The following FHIP2B variants were observed in gnomAD, a reference collection of about 807,000 sequenced individuals.
The protein encoded by FHIP2B is FHF complex subunit HOOK interacting protein 2B, also known as FHF complex subunit HOOK-interacting protein 2B.
In FHIP2B, 72 loss-of-function variants were observed where a neutral mutation model predicts 84.0. The observed-to-expected ratio is 0.86, with a 90% CI of 0.71 to 1.04. FHIP2B has a LOEUF of 1.04. Ranked by LOEUF, FHIP2B falls within the 50% of genes least tolerant of loss-of-function variation. The pLI is 0.00. For synonymous variants in FHIP2B, 497 were observed against 418.7 expected, an observed-to-expected ratio of 1.19 and a Z score of -2.28; for missense variants, 972 against 968.9, an observed-to-expected ratio of 1.00 and a Z score of -0.04.
chr8:22,096,526 G>T lies in FHIP2B; in HGVS notation c.297+17G>T. Reference sequence around the variant, plus strand: ...AAGGCCGAGGTGGGAGGCCCTCTGCGCGCTGGGCCAGGCCGAGGTGGGAGG... The same window carrying T: ...AAGGCCGAGGTGGGAGGCCCTCTGCTCGCTGGGCCAGGCCGAGGTGGGAGG... On this transcript the variant is annotated intron_variant, in intron 3 of 16. Coordinates refer to ENST00000289921, the MANE Select transcript of FHIP2B (RefSeq NM_022749.7). 5.3e-6 allele frequency: 8 copies of T among 1,506,394 alleles called. No homozygotes were observed. The highest frequency in any genetic ancestry group is 7.1e-6 in the Non-Finnish European group (8 of 1,122,370). The allele number at this position is 1,506,394 out of a possible 1,614,324, so 93.3% of individuals were successfully genotyped here.
rs370807518 is a variant in FHIP2B at position 22,104,831 on chromosome 8, T to TTAAAAA, written c.*1900_*1901insTAAAAA. 42 of 126,518 alleles carry TTAAAAA rather than the reference T, an allele frequency of 3.3e-4. No individual in the cohort carries two copies. Among genetic ancestry groups the TTAAAAA allele is most frequent in the Non-Finnish European group, 6.6e-4 (40 of 60,428 alleles). The allele number at this position is 126,518 out of a possible 1,614,324, so 7.8% of individuals were successfully genotyped here. ...CTGGGCAATAGAGTAAGACCCTGTC[T>TTAAAAA]AAAAAAAAAAAAAAAAAATTTCACA... On this transcript the variant is annotated 3_prime_UTR_variant, in exon 17 of 17. Transcript: ENST00000289921.
intron 4 of FHIP2B, 24 bp from the exon 5 acceptor site, chr8:22,097,693 G>C: frequency 6.2e-7 from 1 of 1,611,728 alleles, no homozygotes; most frequent in Non-Finnish European, 8.5e-7. Flanking sequence ...TCTCCCCTCT[G>C]TTTCTGTCCT....
At chr8:22,100,760 T>C in intron 11 of FHIP2B, 21 bp downstream of exon 11, 1 of 1,606,930 alleles carries the variant, frequency 6.2e-7, no homozygotes, top group African/African-American at 1.3e-5. Context: ...CCGGCGCCCT[T>C]TGGACTCAGC....
At chr8:22,090,968 A>G in intron 1 of FHIP2B, among the ~76,000 whole-genome samples, 1 of 152,178 alleles carries the variant, frequency 6.6e-6, no homozygotes, top group East Asian at 1.9e-4. Flanking sequence ...CATCAGTGGC[A>G]GGAGATTTTG....
chr8:22,102,411 G>GGC, intron 15 of FHIP2B, 96 bp downstream of exon 15: 53 of 586,790 alleles, frequency 9.0e-5, no homozygotes, highest in Middle Eastern at 5.0e-4. Flanking sequence ...GGAGGGGTGG[G>GGC]CACCCTTGCC....
At chr8:22,101,238 G>T in intron 12 of FHIP2B, 1 of 636,848 alleles carries the variant, frequency 1.6e-6, no homozygotes, top group South Asian at 2.0e-5. Context: ...GGCCAGGCAG[G>T]TCTCGAACTC....
chr8:22,096,032 A>AC (rs1314609343), intron 2 of FHIP2B: 1 of 236,908 alleles, frequency 4.2e-6, no homozygotes, highest in Non-Finnish European at 8.1e-6. Context: ...TGGGCCCAGG[A>AC]CCATGTGTCC....
At position 22,099,753 on chromosome 8, in the gene FHIP2B, C is replaced by A; in HGVS notation, c.1201C>A (p.Arg401Ser). Residue 401 changes from arginine to serine, a missense_variant, in exon 10 of 17, where the codon CGC (arginine) becomes AGC (serine). Coordinates refer to ENST00000289921, the MANE Select transcript of FHIP2B (RefSeq NM_022749.7). Reference protein sequence around the residue: ...TSTALLTAMLRQLRSPALLRE... With the variant: ...TSTALLTAMLSQLRSPALLRE... ...CACCGCCCTCCTCACAGCCATGCTGCGCCAGCTTCGCTCCCCTGCGCTGCT... is the reference window on the plus strand; with the variant it reads ...CACCGCCCTCCTCACAGCCATGCTGAGCCAGCTTCGCTCCCCTGCGCTGCT... 2 of 1,607,506 alleles carry A rather than the reference C, an allele frequency of 1.2e-6. No homozygotes were observed. Among genetic ancestry groups the A allele is most frequent in the Non-Finnish European group, 1.7e-6 (2 of 1,178,662 alleles).
At chr8:22,094,001 G>T (rs1825635633) in intron 1 of FHIP2B, among the ~76,000 whole-genome samples, 1 of 152,126 alleles carries the variant, frequency 6.6e-6, no homozygotes, top group South Asian at 2.1e-4. Context: ...ACAGGCGTGA[G>T]CCACTGCACC....
chr8:22,089,732 C>T lies in FHIP2B; in HGVS notation c.45+434C>T, dbSNP rs1055380760. Reference sequence around the variant, plus strand: ...CCTCGCCTGGGCTTGAAAAAATCGCCGTCCCTTCCCCTCGGTCTGATCTCC... The same window carrying T: ...CCTCGCCTGGGCTTGAAAAAATCGCTGTCCCTTCCCCTCGGTCTGATCTCC... On this transcript the variant is annotated intron_variant, in intron 1 of 16. Coordinates refer to ENST00000289921, the MANE Select transcript of FHIP2B (RefSeq NM_022749.7). The T allele has an allele frequency of 5.6e-6, 7 of 1,244,132 alleles. No homozygotes were observed. The Admixed American group carries it at 9.4e-5, about 17-fold the overall frequency. 77.1% of individuals were successfully genotyped at this position (1,244,132 alleles called of 1,614,324 possible). A position where few individuals can be genotyped will look rare whatever the true frequency, so the allele number is the denominator to read the frequency against.
chr8:22,089,603 G>A (rs1825359488), intron 1 of FHIP2B, among the ~76,000 whole-genome samples: 1 of 152,026 alleles, frequency 6.6e-6, no homozygotes, highest in African/African-American at 2.4e-5. Flanking sequence ...CCTCCGCCGG[G>A]ACGCTCCCTG....
chr8:22,104,619 G>A lies in FHIP2B; in HGVS notation c.*1688G>A, dbSNP rs1437435408. The A allele has an allele frequency of 6.6e-6, 1 of 152,082 alleles. No individual in the cohort carries two copies. The highest frequency in any genetic ancestry group is 1.5e-5 in the Non-Finnish European group (1 of 68,064). 9.4% of individuals were successfully genotyped at this position (152,082 alleles called of 1,614,324 possible). A position where few individuals can be genotyped will look rare whatever the true frequency, so the allele number is the denominator to read the frequency against. ...TTCTGCTGGGCTGACCTGCAGCGGA[G>A]AGTCTGCCCACCCCGGAGACACCAT... On this transcript the variant is annotated 3_prime_UTR_variant, in exon 17 of 17. Transcript: ENST00000289921.
chr8:22,102,716 C>T (rs1826197138), intron 16 of FHIP2B, 77 bp from the exon 17 acceptor site: 1 of 1,601,866 alleles, frequency 6.2e-7, no homozygotes, highest in African/African-American at 1.3e-5. Context: ...AGGGTCAAGC[C>T]TCGTGGATGC....
At chr8:22,100,780 A>G in intron 11 of FHIP2B, 41 bp downstream of exon 11, 1 of 1,610,706 alleles carries the variant, frequency 6.2e-7, no homozygotes, top group Non-Finnish European at 8.5e-7. Flanking sequence ...CCCAGCCCTT[A>G]GCACTCGCAC....
intron 1 of FHIP2B, among the ~76,000 whole-genome samples, chr8:22,090,420 T>G (rs1825427598): frequency 6.6e-6 from 1 of 152,212 alleles, no homozygotes; most frequent in African/African-American, 2.4e-5. Flanking sequence ...CCAGCCCTGC[T>G]GTTGACCCAG....
rs760633143 is a variant in FHIP2B, at chr8:22,097,797, C to T, written c.483C>T (p.Ser161=). The change falls in exon 5 of 17, where the codon TCC becomes TCT. Residue 161 remains serine, a synonymous_variant. Transcript: ENST00000289921. ...EEVQFTTVLC[S]KIQQDPELLA... is the part of the protein sequence containing the mutation. Reference sequence around the variant, plus strand: ...TGCAGTTCACCACCGTCCTCTGCTCCAAGATCCAGCAGGACCCAGAGCTGC... The same window carrying T: ...TGCAGTTCACCACCGTCCTCTGCTCTAAGATCCAGCAGGACCCAGAGCTGC... The T allele has an allele frequency of 1.2e-6, 2 of 1,613,612 alleles. No individual in the cohort carries two copies. The highest frequency in any genetic ancestry group is 1.7e-6 in the Non-Finnish European group (2 of 1,179,842).
intron 10 of FHIP2B, 139 bp from the exon 11 acceptor site, chr8:22,100,455 A>T: frequency 1.0e-6 from 1 of 978,256 alleles, no homozygotes. Flanking sequence ...AACTACCCCC[A>T]AAACCTGCCA....
chr8:22,098,167 G>A lies in FHIP2B; in HGVS notation c.625G>A (p.Ala209Thr), dbSNP rs370489747. Residue 209 changes from alanine to threonine, a missense_variant, in exon 6 of 17, where the codon GCT (alanine) becomes ACT (threonine). Transcript: ENST00000289921. ...GGACAAGGACTGCTCCCACGATGGTGCTCCTGCCAGGCCCCAGCTGGACGG... is the reference window on the plus strand; with the variant it reads ...GGACAAGGACTGCTCCCACGATGGTACTCCTGCCAGGCCCCAGCTGGACGG... Reference protein sequence around the residue: ...HGDKDCSHDGAPARPQLDGES... With the variant: ...HGDKDCSHDGTPARPQLDGES... 7.1e-5 allele frequency: 112 copies of A among 1,574,922 alleles called. No homozygotes were observed. The African/African-American group carries it at 1.3e-3, about 19-fold the overall frequency.
rs1563600075 is a variant in FHIP2B at position 22,100,574 on chromosome 8, CGACCCCCTTCCTGCTCCA to C, written c.1342-17_1342del. On this transcript the variant is annotated splice_acceptor_variant and splice_polypyrimidine_tract_variant and intron_variant, in intron 10 of 16. Transcript: ENST00000289921. LOFTEE classifies it high-confidence loss of function. ...CTGGGTGGGGAAGGGGCTATCCTGC[CGACCCCCTTCCTGCTCCA>C]GATCAGCATCACCACACTCCGGCTG... 6.6e-7 allele frequency: 1 copy of C among 1,521,710 alleles called. No individual in the cohort carries two copies. Among genetic ancestry groups the C allele is most frequent in the Admixed American group, 2.2e-5 (1 of 46,312 alleles). 94.3% of individuals were successfully genotyped at this position (1,521,710 alleles called of 1,614,324 possible).
Sources: allele counts gnomAD v4.1 joint callset (sites outside exome capture counted in the v4.1 genomes callset), GRCh38; gene constraint gnomAD v4.1.1; transcripts MANE v1.5; gene names NCBI Gene and HGNC (gene_info 2026-07-23, HGNC 2026-07-21).